UBASH3A: variants seen among roughly 807,000 people sequenced by gnomAD.
UBASH3A encodes the protein ubiquitin associated and SH3 domain containing A.
Under a neutral mutation model 73.5 loss-of-function variants are expected in UBASH3A, and 63 were observed. That is an observed-to-expected ratio of 0.86 (90% CI 0.70 to 1.06). UBASH3A has a LOEUF of 1.06. Among genes scored for constraint, UBASH3A ranks in the 50% least tolerant of loss-of-function variants. The pLI is 0.00. For synonymous variants in UBASH3A, 363 were observed against 351.1 expected, an observed-to-expected ratio of 1.03 and a Z score of -0.38; for missense variants, 860 against 859.0, an observed-to-expected ratio of 1.00 and a Z score of -0.02.
chr21:42,434,262 A>C (rs909388862), intron 9 of UBASH3A, among the ~76,000 whole-genome samples: 4 of 152,190 alleles, frequency 2.6e-5, no homozygotes, highest in South Asian at 2.1e-4. Flanking sequence ...ATTTGCTACC[A>C]GACTGTCAGA....
intron 3 of UBASH3A, among the ~76,000 whole-genome samples, chr21:42,412,734 C>T (rs560692824): frequency 5.9e-5 from 9 of 152,190 alleles, no homozygotes; most frequent in African/African-American, 4.8e-5. Context: ...GTGATGAGCA[C>T]GTGCCATGGA....
Position 42,425,719 on chromosome 21 carries a change from G to T in UBASH3A, c.1047-978G>T, listed in dbSNP as rs961219932. On this transcript the variant is annotated intron_variant, in intron 7 of 14. Transcript: ENST00000319294. ...GCAGATGCTGAGATGCAGAAGAAAA[G>T]ATGCCCTTCCTGGCTCTGGACGGGT... is the stretch of plus-strand genomic sequence containing the variant. 1.1e-4 allele frequency among the ~76,000 whole-genome samples: 16 copies of T among 152,200 alleles called. No individual in the cohort carries two copies. The South Asian group carries it at 1.2e-3, about 12-fold the overall frequency.
Position 42,418,586 on chromosome 21 carries a change from G to T in UBASH3A, c.1023G>T (p.Glu341Asp). The stretch of plus-strand genomic sequence containing the variant: ...AAAACTACACGGATCGAGCCAGTGA[G>T]TCTGACACGTGGGTGAAGCACAGGT... ...LPENYTDRAS[E>D]SDTWVKHRMY... Residue 341 changes from glutamate (E) to aspartate (D), a missense_variant, in exon 7 of 15, where the codon GAG becomes GAT. Transcript: ENST00000319294. 6.2e-7 allele frequency: 1 copy of T among 1,614,142 alleles called. No individual in the cohort carries two copies. The highest frequency in any genetic ancestry group is 8.5e-7 in the Non-Finnish European group (1 of 1,180,032).
intron 7 of UBASH3A, among the ~76,000 whole-genome samples, chr21:42,419,147 C>T (rs75356214): frequency 0.017 from 2,620 of 152,296 alleles, 78 homozygotes; most frequent in African/African-American, 0.059. Context: ...TTCACACCCT[C>T]GCCTGAGCAT....
intron 10 of UBASH3A, among the ~76,000 whole-genome samples, chr21:42,436,434 G>T (rs936276814): frequency 6.6e-6 from 1 of 152,156 alleles, no homozygotes; most frequent in Non-Finnish European, 1.5e-5. Context: ...TCCCTGGCTT[G>T]CAGGTGACAT....
chr21:42,408,680 C>T (rs1015239530), intron 2 of UBASH3A, among the ~76,000 whole-genome samples: 1 of 151,946 alleles, frequency 6.6e-6, no homozygotes, highest in African/African-American at 2.4e-5. Context: ...ATTTTATTTC[C>T]ATTTTTATTG....
At position 42,442,220 on chromosome 21, in the gene UBASH3A, C is replaced by T. The variant is rs2276237; in HGVS notation, c.1487-232C>T. 0.023 allele frequency among the ~76,000 whole-genome samples: 3,461 copies of T among 152,232 alleles called. 279 individuals are homozygous for T. In the East Asian group the frequency reaches 0.27, roughly 12 times the overall value. On this transcript the variant is annotated intron_variant, in intron 11 of 14. Transcript: ENST00000319294. Reference sequence around the variant, plus strand: ...TGGAAGACTCTGGCCCTTCCTGGCACACAGGGGGCCATCACTCCTCTGATA... The same window carrying T: ...TGGAAGACTCTGGCCCTTCCTGGCATACAGGGGGCCATCACTCCTCTGATA...
chr21:42,412,984 G>A, intron 3 of UBASH3A, 40 bp from the exon 4 acceptor site: 1 of 1,509,290 alleles, frequency 6.6e-7, no homozygotes, highest in South Asian at 1.1e-5. Flanking sequence ...GACTTCTGAT[G>A]AGAGGTGTGG....
At chr21:42,421,932 G>C (rs1228134299) in intron 7 of UBASH3A, among the ~76,000 whole-genome samples, 1 of 152,202 alleles carries the variant, frequency 6.6e-6, no homozygotes, top group Admixed American at 6.5e-5. Flanking sequence ...AGAAATAGTA[G>C]TAAAAATAAT....
intron 6 of UBASH3A, 43 bp from the exon 7 acceptor site, chr21:42,418,358 A>C (rs967322460): frequency 9.5e-6 from 15 of 1,576,236 alleles, no homozygotes; most frequent in Non-Finnish European, 1.2e-5. Context: ...TTTCCAATGT[A>C]AATCTTTGCT....
At chr21:42,417,878 C>CTTTTTTTTTT (rs796939696) in intron 6 of UBASH3A, among the ~76,000 whole-genome samples, 31 of 90,624 alleles carry the variant, frequency 3.4e-4, no homozygotes, top group South Asian at 8.6e-4. Context: ...TTCTTTTTTT[C>CTTTTTTTTTT]TTTTTTTTTT....
At chr21:42,416,405 G>T in intron 5 of UBASH3A, 37 bp from the exon 6 acceptor site, 2 of 1,515,224 alleles carry the variant, frequency 1.3e-6, no homozygotes, top group Non-Finnish European at 1.8e-6. Context: ...TTAGGTAACG[G>T]TGTCCTGGCA....
chr21:42,439,247 G>T (rs2053686095), intron 11 of UBASH3A, among the ~76,000 whole-genome samples: 1 of 152,106 alleles, frequency 6.6e-6, no homozygotes, highest in Admixed American at 6.5e-5. Flanking sequence ...TATCAGCATG[G>T]AGCATCCACG....
At chr21:42,412,201 T>A (rs1443204066) in intron 3 of UBASH3A, among the ~76,000 whole-genome samples, 9 of 151,984 alleles carry the variant, frequency 5.9e-5, no homozygotes, top group Non-Finnish European at 1.2e-4. Flanking sequence ...CAGGAGAGGC[T>A]GCGTCTGGCT....
chr21:42,437,588 A>C lies in UBASH3A; in HGVS notation c.1486+8A>C. ...CCAAACTCATCCTGGAAGGTCAGTG[A>C]GAACCTCGGTGAGCCTCTCCTACTG... On this transcript the variant is annotated splice_region_variant and intron_variant, in intron 11 of 14. Coordinates refer to ENST00000319294, the MANE Select transcript of UBASH3A (RefSeq NM_018961.4). 6.2e-7 allele frequency: 1 copy of C among 1,613,616 alleles called. No individual in the cohort carries two copies. Among genetic ancestry groups the C allele is most frequent in the Non-Finnish European group, 8.5e-7 (1 of 1,179,512 alleles).
At chr21:42,412,082 G>C (rs563510204) in intron 3 of UBASH3A, among the ~76,000 whole-genome samples, 1 of 152,220 alleles carries the variant, frequency 6.6e-6, no homozygotes, top group African/African-American at 2.4e-5. Flanking sequence ...CCAGGAGGGT[G>C]TGGTGTCTGG....
intron 8 of UBASH3A, 93 bp from the exon 9 acceptor site, chr21:42,432,010 A>G: frequency 1.4e-6 from 1 of 711,128 alleles, no homozygotes; most frequent in African/African-American, 1.7e-5. Context: ...ATTCCCTCGC[A>G]GTTGCTGGGT....
chr21:42,434,758 G>T, intron 9 of UBASH3A, 74 bp from the exon 10 acceptor site: 2 of 1,516,164 alleles, frequency 1.3e-6, no homozygotes, highest in African/African-American at 1.4e-5. Context: ...GTGGGTCTTG[G>T]TCTTGGGAGT....
In UBASH3A at chr21:42,437,505, AG is replaced by A; in HGVS notation, c.1412del (p.Ser471MetfsTer57). On this transcript the variant is annotated frameshift_variant, in exon 11 of 15. Coordinates refer to ENST00000319294, the MANE Select transcript of UBASH3A (RefSeq NM_018961.4). LOFTEE classifies it high-confidence loss of function. ...TTTTCCAGGGGACGCGCTACTGGAC[AG>A]TGGTATCAGAATCAGCTCTGTGTTT... ...SRIAGDALLDSGIRISSVFAS... is the reference protein window; with the variant it reads ...SRIAGDALLDXGIRISSVFAS... The A allele has an allele frequency of 6.2e-7, 1 of 1,614,218 alleles. No individual in the cohort carries two copies. The highest frequency in any genetic ancestry group is 1.1e-5 in the South Asian group (1 of 91,084).
Sources: allele counts gnomAD v4.1 joint callset (sites outside exome capture counted in the v4.1 genomes callset), GRCh38; gene constraint gnomAD v4.1.1; transcripts MANE v1.5; gene names NCBI Gene and HGNC (gene_info 2026-07-23, HGNC 2026-07-21).